The following WDR72 variants were observed in gnomAD, a reference collection of about 807,000 sequenced individuals.
WDR72 encodes the protein WD repeat domain 72.
WDR72 carries 120 observed loss-of-function variants against 124.2 expected under a neutral mutation model. That is an observed-to-expected ratio of 0.97 (90% CI 0.83 to 1.12). The LOEUF is 1.12. WDR72 is among the 50% of genes most tolerant of loss of function. The pLI is 0.00. For synonymous variants in WDR72, 452 were observed against 441.7 expected, an observed-to-expected ratio of 1.02 and a Z score of -0.29; for missense variants, 1,387 against 1,278.8, an observed-to-expected ratio of 1.08 and a Z score of -1.29.
At chr15:53,547,622 T>G (rs1338897121) in intron 18 of WDR72, among the ~76,000 whole-genome samples, 1 of 152,108 alleles carries the variant, frequency 6.6e-6, no homozygotes, top group Non-Finnish European at 1.5e-5. Context: ...CTTCTGAAAT[T>G]TATTTGTAGG....
At chr15:53,669,662 A>T (rs2015922307) in intron 13 of WDR72, among the ~76,000 whole-genome samples, 1 of 152,186 alleles carries the variant, frequency 6.6e-6, no homozygotes, top group South Asian at 2.1e-4. Context: ...AAGCTATGAA[A>T]TTTACATAAC....
rs1891508103 is a variant in WDR72 at position 53,517,121 on chromosome 15, C to CTAAT, written c.*574_*577dup. ...TTATACTTTGTATCTCTTATTTGGGCTAATTGATAACTAAATGGAACTGGG... is the reference window on the plus strand; with the variant it reads ...TTATACTTTGTATCTCTTATTTGGGCTAATTAATTGATAACTAAATGGAACTGGG... On this transcript the variant is annotated 3_prime_UTR_variant, in exon 20 of 20. Coordinates refer to ENST00000360509, the MANE Select transcript of WDR72 (RefSeq NM_182758.4). 1 of 158,748 alleles carries CTAAT rather than the reference C, an allele frequency of 6.3e-6. No individual in the cohort carries two copies. The highest frequency in any genetic ancestry group is 1.4e-5 in the Non-Finnish European group (1 of 72,170). The allele number at this position is 158,748 out of a possible 1,614,324, so 9.8% of individuals were successfully genotyped here. A position where few individuals can be genotyped will look rare whatever the true frequency, so the allele number is the denominator to read the frequency against.
chr15:53,642,374 A>T (rs1254536589), intron 14 of WDR72, among the ~76,000 whole-genome samples: 1 of 152,064 alleles, frequency 6.6e-6, no homozygotes, highest in Non-Finnish European at 1.5e-5. Context: ...TTGACTTGAC[A>T]AAGCAACTTG....
chr15:53,667,089 T>C (rs927465280), intron 13 of WDR72, among the ~76,000 whole-genome samples: 4 of 152,202 alleles, frequency 2.6e-5, no homozygotes, highest in Non-Finnish European at 4.4e-5. Context: ...TGATGGCTCA[T>C]GCCTGTAATC....
intron 13 of WDR72, among the ~76,000 whole-genome samples, chr15:53,690,084 G>C (rs895963021): frequency 9.4e-4 from 107 of 113,248 alleles, no homozygotes; most frequent in African/African-American, 3.4e-3. Flanking sequence ...GGGGAGGGGG[G>C]AGGGATAGCA....
At chr15:53,631,919 T>G (rs532725399) in intron 14 of WDR72, among the ~76,000 whole-genome samples, 1 of 152,276 alleles carries the variant, frequency 6.6e-6, no homozygotes, top group African/African-American at 2.4e-5. Flanking sequence ...AAATTGGAAC[T>G]TATATGTAAA....
chr15:53,609,399 C>T lies in WDR72; in HGVS notation c.2952+114G>A, dbSNP rs114621114. 9.0e-4 allele frequency: 809 copies of T among 903,022 alleles called. 3 individuals are homozygous for T. The African/African-American group carries it at 0.012, about 14-fold the overall frequency. The allele number at this position is 903,022 out of a possible 1,614,324, so 55.9% of individuals were successfully genotyped here. ...CCTCATCTCTATGTCTGTTCAAAGG[C>T]CATTTTATGAGGACAAGAGTAACTG... On this transcript the variant is annotated intron_variant, in intron 17 of 19. Transcript: ENST00000360509.
At chr15:53,663,555 A>G (rs1002996580) in intron 14 of WDR72, among the ~76,000 whole-genome samples, 1 of 152,224 alleles carries the variant, frequency 6.6e-6, no homozygotes, top group African/African-American at 2.4e-5. Context: ...TGAAATAAAT[A>G]TCAGTCAGTT....
At chr15:53,702,903 T>A (rs1055772466) in intron 11 of WDR72, among the ~76,000 whole-genome samples, 1 of 32,058 alleles carries the variant, frequency 3.1e-5, no homozygotes, top group Admixed American at 3.7e-4. Context: ...TTTTCATTCA[T>A]TTTTTTTTTT....
chr15:53,659,933 A>G (rs1937570756), intron 14 of WDR72, among the ~76,000 whole-genome samples: 1 of 152,128 alleles, frequency 6.6e-6, no homozygotes, highest in Non-Finnish European at 1.5e-5. Context: ...GTTGAGATTC[A>G]CCAAATCAAA....
chr15:53,660,408 A>G (rs1269611234), intron 14 of WDR72, among the ~76,000 whole-genome samples: 2 of 152,164 alleles, frequency 1.3e-5, no homozygotes, highest in African/African-American at 2.4e-5. Context: ...GTCATAAAAT[A>G]TAAAAGAACT....
chr15:53,663,365 C>A (rs1394010959), intron 14 of WDR72, among the ~76,000 whole-genome samples: 2 of 152,028 alleles, frequency 1.3e-5, no homozygotes, highest in Admixed American at 6.6e-5. Context: ...TTGTAGTCAT[C>A]TAAGGCAAGG....
chr15:53,614,004 A>G (rs1481548150), intron 15 of WDR72, among the ~76,000 whole-genome samples: 1 of 152,056 alleles, frequency 6.6e-6, no homozygotes, highest in Non-Finnish European at 1.5e-5. Context: ...TGACCTGCAC[A>G]TCTTAGTTTG....
At chr15:53,630,112 G>A (rs1272191358) in intron 14 of WDR72, among the ~76,000 whole-genome samples, 5 of 152,086 alleles carry the variant, frequency 3.3e-5, no homozygotes, top group Non-Finnish European at 7.4e-5. Flanking sequence ...AAATCAAGAT[G>A]AAATGGACAA....
intron 3 of WDR72, among the ~76,000 whole-genome samples, chr15:53,720,465 C>T (rs193158282): frequency 6.6e-6 from 1 of 152,276 alleles, no homozygotes; most frequent in African/African-American, 2.4e-5. Flanking sequence ...CATTGTTCTT[C>T]TTACTAAAGA....
At chr15:53,749,618 A>C (rs2018727224) in intron 1 of WDR72, among the ~76,000 whole-genome samples, 1 of 152,204 alleles carries the variant, frequency 6.6e-6, no homozygotes, top group Non-Finnish European at 1.5e-5. Flanking sequence ...AAAAATGATT[A>C]AGTTTAGTGA....
intron 18 of WDR72, among the ~76,000 whole-genome samples, chr15:53,531,946 A>G (rs1157400393): frequency 6.6e-6 from 1 of 152,158 alleles, no homozygotes; most frequent in Non-Finnish European, 1.5e-5. Flanking sequence ...TAGATTAGTT[A>G]TAGAAAACAA....
At chr15:53,671,393 C>T (rs2015982962) in intron 13 of WDR72, among the ~76,000 whole-genome samples, 1 of 152,188 alleles carries the variant, frequency 6.6e-6, no homozygotes, top group South Asian at 2.1e-4. Flanking sequence ...TCAGCTTCTT[C>T]ACTTTATAGA....
At chr15:53,743,318 A>G (rs998436384) in intron 1 of WDR72, among the ~76,000 whole-genome samples, 11 of 152,162 alleles carry the variant, frequency 7.2e-5, no homozygotes, top group Admixed American at 5.9e-4. Context: ...TTTATACATA[A>G]CGATGAAATA....
Sources: gnomAD v4.1 joint callset for allele counts (sites outside exome capture counted in the v4.1 genomes callset) on GRCh38, gnomAD v4.1.1 for gene constraint, MANE v1.5 for transcripts, NCBI Gene and HGNC (gene_info 2026-07-23, HGNC 2026-07-21) for gene names.